The following RBM19 variants were observed in gnomAD, a reference collection of about 807,000 sequenced individuals.
RBM19 encodes RNA binding motif protein 19, also known as probable RNA-binding protein 19.
A neutral mutation model predicts 116.8 loss-of-function variants in RBM19; 94 were observed. That is an observed-to-expected ratio of 0.80 (90% CI 0.68 to 0.95). The LOEUF is 0.95. Ranked by LOEUF, RBM19 falls within the 40% of genes least tolerant of loss-of-function variation. The pLI is 0.00. For missense variants in RBM19, 1,161 were observed against 1,220.7 expected (o/e 0.95, Z 0.73); for synonymous variants, 475 against 494.1 (o/e 0.96, Z 0.51).
intron 21 of RBM19, among the ~76,000 whole-genome samples, chr12:113,901,646 C>T (rs544107362): frequency 1.6e-4 from 25 of 152,134 alleles, no homozygotes; most frequent in Admixed American, 3.3e-4. Context: ...GTAGCTGGGA[C>T]GACAGGCGCC....
intron 23 of RBM19, among the ~76,000 whole-genome samples, chr12:113,831,647 C>T (rs997541757): frequency 3.3e-5 from 5 of 152,214 alleles, no homozygotes; most frequent in African/African-American, 7.2e-5. Context: ...TTGCTGGCGA[C>T]GGCTGAGTGA....
chr12:113,880,215 A>G (rs566299463), intron 21 of RBM19, among the ~76,000 whole-genome samples: 12 of 152,208 alleles, frequency 7.9e-5, no homozygotes, highest in African/African-American at 2.9e-4. Flanking sequence ...CAAAAAAACC[A>G]CTTAAAAAAT....
rs565405644 is a variant in RBM19, at chr12:113,924,364, G to A, written c.2305+333C>T. Among the ~76,000 whole-genome samples the A allele has an allele frequency of 7.9e-4, 120 of 152,338 alleles. 2 individuals carry two copies. The South Asian group carries it at 0.013, about 16-fold the overall frequency. ...CTTCCAGAGCACAAAAGTGCTGGGAGGAGGCAGAGGTTCCTGATACCATCC... is the reference window on the plus strand; with the variant it reads ...CTTCCAGAGCACAAAAGTGCTGGGAAGAGGCAGAGGTTCCTGATACCATCC... On this transcript the variant is annotated intron_variant, in intron 18 of 23. Coordinates refer to ENST00000261741, the MANE Select transcript of RBM19 (RefSeq NM_016196.4).
At chr12:113,938,798 G>A (rs997295199) in intron 15 of RBM19, among the ~76,000 whole-genome samples, 6 of 152,016 alleles carry the variant, frequency 3.9e-5, no homozygotes, top group African/African-American at 1.4e-4. Context: ...TGCAGCCATG[G>A]GCCAGGGATG....
intron 23 of RBM19, among the ~76,000 whole-genome samples, chr12:113,834,033 A>G (rs1875668206): frequency 6.6e-6 from 1 of 152,176 alleles, no homozygotes; most frequent in South Asian, 2.1e-4. Context: ...GGTGTGAGCC[A>G]CTGTATCAAC....
At chr12:113,942,492 C>T (rs1870665672) in intron 13 of RBM19, 58 bp from the exon 14 acceptor site, 3 of 1,373,436 alleles carry the variant, frequency 2.2e-6, no homozygotes, top group African/African-American at 1.4e-5. Flanking sequence ...CTTGCTGGCC[C>T]TCCCATCTCC....
At chr12:113,830,577 G>GC (rs1481351091) in intron 23 of RBM19, among the ~76,000 whole-genome samples, 1 of 96,778 alleles carries the variant, frequency 1.0e-5, no homozygotes, top group Non-Finnish European at 2.3e-5. Context: ...CTGCGGGGCG[G>GC]GGGGGGGGGG....
downstream of RBM19, among the ~76,000 whole-genome samples, chr12:113,821,084 G>C (rs1308131779): frequency 2.6e-5 from 4 of 152,194 alleles, no homozygotes; most frequent in African/African-American, 9.6e-5. Context: ...GGAGACTGAG[G>C]ACTCAGCAGG....
chr12:113,930,027 T>C lies in RBM19; in HGVS notation c.2069-2798A>G, dbSNP rs573882188. Among the ~76,000 whole-genome samples, 7 of 152,364 alleles carry C rather than the reference T, an allele frequency of 4.6e-5. No individual in the cohort carries two copies. In the South Asian group the frequency reaches 1.4e-3, roughly 32 times the overall value. On this transcript the variant is annotated intron_variant, in intron 16 of 23. Coordinates refer to ENST00000261741, the MANE Select transcript of RBM19 (RefSeq NM_016196.4). Reference sequence around the variant, plus strand: ...AAAGGTCAACCTAGCATGGCCAGAATTCAGATCTATTAAGAGAAGTAGGAA... The same window carrying C: ...AAAGGTCAACCTAGCATGGCCAGAACTCAGATCTATTAAGAGAAGTAGGAA...
At chr12:113,871,811 C>G (rs1482553175) in intron 21 of RBM19, among the ~76,000 whole-genome samples, 1 of 151,830 alleles carries the variant, frequency 6.6e-6, no homozygotes, top group Admixed American at 6.6e-5. Context: ...TCAGTCTTTG[C>G]CGCCGCGCCG....
At chr12:113,912,211 GAGGC>G (rs1882473270) in intron 21 of RBM19, among the ~76,000 whole-genome samples, 1 of 152,178 alleles carries the variant, frequency 6.6e-6, no homozygotes. Flanking sequence ...GGGGTAGCTT[GAGGC>G]CCTGCCCAGA....
intron 22 of RBM19, among the ~76,000 whole-genome samples, chr12:113,853,491 T>TA (rs756192404): frequency 1.3e-5 from 2 of 152,306 alleles, no homozygotes. Flanking sequence ...AGGGAAAAAT[T>TA]AAAGGCACAT....
intron 14 of RBM19, among the ~76,000 whole-genome samples, chr12:113,941,932 C>G (rs1337620888): frequency 6.6e-6 from 1 of 152,212 alleles, no homozygotes; most frequent in Non-Finnish European, 1.5e-5. Context: ...ATCCATAAAT[C>G]TAAGACCTGC....
At position 113,891,841 on chromosome 12, in the gene RBM19, G is replaced by A. The variant is rs116430511; in HGVS notation, c.2558+23128C>T. On this transcript the variant is annotated intron_variant, in intron 21 of 23. Coordinates refer to ENST00000261741, the MANE Select transcript of RBM19 (RefSeq NM_016196.4). Reference sequence around the variant, plus strand: ...AGGCAGAGTATAATTGCCCCACGAAGTGTAATCACACTGCCTGGATTCAAA... The same window carrying A: ...AGGCAGAGTATAATTGCCCCACGAAATGTAATCACACTGCCTGGATTCAAA... 5.5e-3 allele frequency among the ~76,000 whole-genome samples: 844 copies of A among 152,294 alleles called. 8 individuals are homozygous for A. Among genetic ancestry groups the A allele is most frequent in the African/African-American group, 0.019 (803 of 41,542 alleles).
At position 113,898,303 on chromosome 12, in the gene RBM19, A is replaced by G. The variant is rs1011716571; in HGVS notation, c.2558+16666T>C. The stretch of plus-strand genomic sequence containing the variant: ...TTTTAATACGTGTACATACATGTGT[A>G]TCATGATAGAACCGTGAAGAGATTT... On this transcript the variant is annotated intron_variant, in intron 21 of 23. Coordinates refer to ENST00000261741, the MANE Select transcript of RBM19 (RefSeq NM_016196.4). The surrounding 1 kb of genome is among the most constrained non-coding windows in gnomAD (Gnocchi z 4.3). Among the ~76,000 whole-genome samples the G allele has an allele frequency of 6.6e-6, 1 of 152,192 alleles. No individual in the cohort carries two copies. The highest frequency in any genetic ancestry group is 6.5e-5 in the Admixed American group (1 of 15,286).
Position 113,836,909 on chromosome 12 carries a change from C to A in RBM19, c.2785+7759G>T, listed in dbSNP as rs1415766950. Reference sequence around the variant, plus strand: ...CCTACTTACTACATACACACCCCCCCCCCCCCCACATACACACACACACAC... The same window carrying A: ...CCTACTTACTACATACACACCCCCCACCCCCCCACATACACACACACACAC... On this transcript the variant is annotated intron_variant, in intron 23 of 23. Transcript: ENST00000261741. Among the ~76,000 whole-genome samples, 7 of 60,706 alleles carry A rather than the reference C, an allele frequency of 1.2e-4. 1 individual carries two copies. Among genetic ancestry groups the A allele is most frequent in the African/African-American group, 4.7e-4 (7 of 14,810 alleles). The allele number at this position is 60,706 out of a possible 152,430, so 39.8% of individuals were successfully genotyped here.
chr12:113,912,974 C>T (rs570738296), intron 21 of RBM19, among the ~76,000 whole-genome samples: 89 of 152,238 alleles, frequency 5.8e-4, no homozygotes, highest in African/African-American at 1.8e-3. Flanking sequence ...GAAGGTCTTA[C>T]GTTTCCAGGG....
intron 13 of RBM19, among the ~76,000 whole-genome samples, chr12:113,944,224 A>C (rs1870832655): frequency 6.6e-6 from 1 of 150,398 alleles, no homozygotes; most frequent in Admixed American, 6.6e-5. Context: ...CAGCCTCCCA[A>C]ATAGCTGGGA....
At chr12:113,909,134 T>G (rs1347184453) in intron 21 of RBM19, among the ~76,000 whole-genome samples, 2 of 152,044 alleles carry the variant, frequency 1.3e-5, no homozygotes, top group African/African-American at 4.8e-5. Flanking sequence ...TTTATTCTAT[T>G]TTTTTAGAGA....
Sources: allele counts gnomAD v4.1 joint callset (sites outside exome capture counted in the v4.1 genomes callset), GRCh38; gene constraint gnomAD v4.1.1; non-coding constraint Gnocchi (gnomAD v3.1); transcripts MANE v1.5; gene names NCBI Gene and HGNC (gene_info 2026-07-23, HGNC 2026-07-21).